Variants in ZNF730 observed in about 807,000 individuals in gnomAD.
ZNF730 encodes the protein zinc finger protein 730, also known as putative zinc finger protein 730.
In ZNF730, 12 loss-of-function variants were observed where a neutral mutation model predicts 12.6. The observed-to-expected ratio is 0.95, with a 90% CI of 0.61 to 1.54. The LOEUF is 1.54. ZNF730 is among the 40% of genes most tolerant of loss of function. The pLI is 0.00. For missense variants in ZNF730, 643 were observed against 583.5 expected (o/e 1.10, Z -1.05); for synonymous variants, 194 against 195.8 (o/e 0.99, Z 0.08).
rs1467108307 is a variant in ZNF730 at position 23,119,618 on chromosome 19, A to G, written c.3+2442A>G. On this transcript the variant is annotated intron_variant, in intron 1 of 3. Coordinates refer to ENST00000597761, the MANE Select transcript of ZNF730 (RefSeq NM_001277403.2). ...TGGATCAGGAGGTCAAGAGATGGAG[A>G]TGATCTTGGCCAACATGGTGAAACC... 2.0e-5 allele frequency among the ~76,000 whole-genome samples: 3 copies of G among 152,162 alleles called. No individual in the cohort carries two copies. In the East Asian group the frequency reaches 5.8e-4, roughly 29 times the overall value.
At chr19:23,113,102 A>G (rs763113731), upstream of ZNF730, among the ~76,000 whole-genome samples, 4 of 152,198 alleles carry the variant, frequency 2.6e-5, no homozygotes, top group Non-Finnish European at 4.4e-5. Flanking sequence ...TATAAACAGA[A>G]GTGTCTGCAG....
chr19:23,127,707 G>C, intron 1 of ZNF730: 1 of 1,234,556 alleles, frequency 8.1e-7, no homozygotes, highest in East Asian at 2.3e-5. Context: ...AGCAGAGCAG[G>C]ATCACTTTGA....
chr19:23,140,509 G>A (rs1970900081), intron 3 of ZNF730, among the ~76,000 whole-genome samples: 1 of 151,398 alleles, frequency 6.6e-6, no homozygotes, highest in African/African-American at 2.4e-5. Context: ...TACTTGGGAG[G>A]CTGAGACAGG....
chr19:23,112,710 G>C (rs1282951153), upstream of ZNF730, among the ~76,000 whole-genome samples: 1 of 149,744 alleles, frequency 6.7e-6, no homozygotes, highest in African/African-American at 2.5e-5. Context: ...GCTACAGAGC[G>C]AGACTTCGTC....
chr19:23,120,057 G>A (rs1970580501), intron 1 of ZNF730, among the ~76,000 whole-genome samples: 1 of 150,144 alleles, frequency 6.7e-6, no homozygotes, highest in South Asian at 2.1e-4. Flanking sequence ...TGCAGTGGTG[G>A]GATTTCGGCT....
intron 1 of ZNF730, among the ~76,000 whole-genome samples, chr19:23,093,355 T>C (rs1970189538): frequency 6.6e-6 from 1 of 150,970 alleles, no homozygotes; most frequent in South Asian, 2.1e-4. Context: ...CAACTGTGAA[T>C]CTTTCTTCCC....
At chr19:23,116,065 G>A (rs1354052883), upstream of ZNF730, among the ~76,000 whole-genome samples, 1 of 152,200 alleles carries the variant, frequency 6.6e-6, no homozygotes, top group Non-Finnish European at 1.5e-5. Context: ...CTTAGTCCCC[G>A]CACGCACAGG....
At chr19:23,094,753 C>T (rs556032577) in intron 1 of ZNF730, among the ~76,000 whole-genome samples, 3 of 152,250 alleles carry the variant, frequency 2.0e-5, no homozygotes, top group South Asian at 2.1e-4. Context: ...GGATTACAGT[C>T]GTGAGCCAAG....
chr19:23,130,659 C>T (rs62122978), intron 1 of ZNF730, among the ~76,000 whole-genome samples: 6,718 of 151,600 alleles, frequency 0.044, 177 homozygotes, highest in East Asian at 0.11. Flanking sequence ...AAATTATCCG[C>T]GGAAACCTTA....
intron 1 of ZNF730, among the ~76,000 whole-genome samples, chr19:23,080,147 T>C (rs1969938916): frequency 6.6e-6 from 1 of 152,014 alleles, no homozygotes; most frequent in Non-Finnish European, 1.5e-5. Flanking sequence ...AGTTTCACCA[T>C]GTTGGTCAGG....
At chr19:23,089,779 C>G (rs967779120) in intron 1 of ZNF730, among the ~76,000 whole-genome samples, 1 of 151,622 alleles carries the variant, frequency 6.6e-6, no homozygotes, top group Non-Finnish European at 1.5e-5. Context: ...TGGGGCCTTG[C>G]TGAAAAAAAA....
chr19:23,105,721 T>C (rs1033598760), intron 1 of ZNF730, among the ~76,000 whole-genome samples: 1 of 152,220 alleles, frequency 6.6e-6, no homozygotes. Context: ...TGAAAACTAA[T>C]GTTGAAATGC....
At chr19:23,109,188 T>G (rs1970431277) in intron 1 of ZNF730, among the ~76,000 whole-genome samples, 1 of 152,178 alleles carries the variant, frequency 6.6e-6, no homozygotes, top group Admixed American at 6.6e-5. Context: ...GATCTTCAAC[T>G]TAATATTTTA....
chr19:23,124,507 C>G (rs961876613), intron 1 of ZNF730, among the ~76,000 whole-genome samples: 1 of 152,192 alleles, frequency 6.6e-6, no homozygotes, highest in Non-Finnish European at 1.5e-5. Context: ...GCCTGAGTCT[C>G]TCCTGCCTGG....
At chr19:23,116,679 C>G (rs1970530428), upstream of ZNF730, among the ~76,000 whole-genome samples, 1 of 151,990 alleles carries the variant, frequency 6.6e-6, no homozygotes. Context: ...CCTCGGCCCC[C>G]CAAAGTGCTG....
chr19:23,104,233 C>T (rs1467440767), intron 1 of ZNF730, among the ~76,000 whole-genome samples: 1 of 144,490 alleles, frequency 6.9e-6, no homozygotes, highest in Non-Finnish European at 1.5e-5. Context: ...ACCTGGGAGG[C>T]GGAGGTTGCA....
chr19:23,082,763 G>C (rs896206636), intron 1 of ZNF730, among the ~76,000 whole-genome samples: 3 of 151,890 alleles, frequency 2.0e-5, no homozygotes, highest in Admixed American at 6.6e-5. Context: ...GTGCAATGGC[G>C]TGATCTCGGC....
intron 1 of ZNF730, among the ~76,000 whole-genome samples, chr19:23,109,105 G>A (rs758588036): frequency 1.3e-5 from 2 of 151,438 alleles, no homozygotes; most frequent in African/African-American, 2.4e-5. Flanking sequence ...GAGTGCCAAT[G>A]CAGCATATAA....
Position 23,145,259 on chromosome 19 carries a change from T to C in ZNF730, c.227-12T>C. 6.8e-7 allele frequency: 1 copy of C among 1,474,028 alleles called. No homozygotes were observed. The allele number at this position is 1,474,028 out of a possible 1,614,324, so 91.3% of individuals were successfully genotyped here. ...AGTACATGCAGTAATTTGTTATTTTTATTTCTTTCAGTTATATGTTCTCAT... is the reference window on the plus strand; with the variant it reads ...AGTACATGCAGTAATTTGTTATTTTCATTTCTTTCAGTTATATGTTCTCAT... On this transcript the variant is annotated splice_polypyrimidine_tract_variant and intron_variant, in intron 3 of 3. Coordinates refer to ENST00000597761, the MANE Select transcript of ZNF730 (RefSeq NM_001277403.2).
Sources: allele counts gnomAD v4.1 joint callset (sites outside exome capture counted in the v4.1 genomes callset), GRCh38; gene constraint gnomAD v4.1.1; transcripts MANE v1.5; gene names NCBI Gene and HGNC (gene_info 2026-07-23, HGNC 2026-07-21).